Variants in AREL1 observed in about 807,000 individuals in gnomAD.
AREL1 encodes apoptosis resistant E3 ubiquitin protein ligase 1.
In AREL1, 62 loss-of-function variants were observed where a neutral mutation model predicts 99.0. That is an observed-to-expected ratio of 0.63 (90% CI 0.51 to 0.77). The LOEUF (loss-of-function observed/expected upper bound fraction) is 0.77. Among genes scored for constraint, AREL1 ranks in the 30% least tolerant of loss-of-function variants. The probability of loss-of-function intolerance (pLI) is 0.00; values close to 1 mark genes in which losing one functional copy is unlikely to be tolerated. For missense variants in AREL1, 879 were observed against 1,027.6 expected (o/e 0.86, Z 1.98); for synonymous variants, 380 against 376.5 (o/e 1.01, Z -0.11).
chr14:74,704,929 T>TTTAA (rs1391658169), intron 1 of AREL1, among the ~76,000 whole-genome samples: 1 of 152,220 alleles, frequency 6.6e-6, no homozygotes, highest in East Asian at 1.9e-4. Flanking sequence ...AACAAGAACT[T>TTTAA]TTTAAAACTC....
rs1279423943 is a variant in AREL1, at chr14:74,672,875, A to C, written c.1378T>G (p.Ser460Ala). The change falls in exon 11 of 20, where the codon TCC (serine) becomes GCC (alanine). Residue 460 changes from serine to alanine, a missense_variant. By Grantham distance (99) the Ser-to-Ala change is moderately conservative. Coordinates refer to ENST00000356357, the MANE Select transcript of AREL1 (RefSeq NM_001039479.2). Reference protein sequence around the residue: ...LRQVHMKRPHSKVTLKVSRHA... With the variant: ...LRQVHMKRPHAKVTLKVSRHA... ...CTGCTGACCTTCAGGGTGACTTTGGAATGTGGTCTTTTCATATGTACCTGC... is the reference window on the plus strand; with the variant it reads ...CTGCTGACCTTCAGGGTGACTTTGGCATGTGGTCTTTTCATATGTACCTGC... The C allele has an allele frequency of 6.2e-7, 1 of 1,614,214 alleles. No individual in the cohort carries two copies. Among genetic ancestry groups the C allele is most frequent in the Non-Finnish European group, 8.5e-7 (1 of 1,180,034 alleles).
intron 8 of AREL1, among the ~76,000 whole-genome samples, chr14:74,674,495 G>A (rs572820557): frequency 9.9e-5 from 15 of 152,182 alleles, no homozygotes; most frequent in South Asian, 4.2e-4. Context: ...CCAAGTACTC[G>A]GGAGGCTGAG....
intron 2 of AREL1, among the ~76,000 whole-genome samples, chr14:74,686,544 G>A (rs991830695): frequency 6.6e-6 from 1 of 152,154 alleles, no homozygotes; most frequent in East Asian, 1.9e-4. Flanking sequence ...TCAAGTCAGC[G>A]TACACTAAGG....
intron 15 of AREL1, 57 bp downstream of exon 15, chr14:74,669,592 C>G: frequency 6.3e-7 from 1 of 1,586,636 alleles, no homozygotes; most frequent in Middle Eastern, 1.7e-4. Flanking sequence ...CTTAGACAGT[C>G]CTGCTCTACA....
intron 2 of AREL1, among the ~76,000 whole-genome samples, chr14:74,689,038 G>A (rs982799364): frequency 6.6e-6 from 1 of 150,946 alleles, no homozygotes; most frequent in Non-Finnish European, 1.5e-5. Flanking sequence ...AGTAGAGACA[G>A]GGTTTCACCA....
intron 5 of AREL1, chr14:74,678,234 C>T (rs748852378): frequency 1.8e-5 from 8 of 454,492 alleles, no homozygotes; most frequent in East Asian, 7.0e-5. Flanking sequence ...ACTTGGCTCA[C>T]GCCTGTAATC....
At chr14:74,711,180 G>A (rs1210804647) in intron 1 of AREL1, among the ~76,000 whole-genome samples, 3 of 149,256 alleles carry the variant, frequency 2.0e-5, no homozygotes, top group African/African-American at 2.5e-5. Context: ...GCAGTGAGCC[G>A]AGATTGCGCC....
chr14:74,705,007 C>T (rs1300935853), intron 1 of AREL1, among the ~76,000 whole-genome samples: 1 of 151,782 alleles, frequency 6.6e-6, no homozygotes, highest in Non-Finnish European at 1.5e-5. Flanking sequence ...CAATGCTGCA[C>T]ATTACCATGC....
chr14:74,679,870 A>C (rs1190699020), intron 5 of AREL1, among the ~76,000 whole-genome samples: 1 of 151,682 alleles, frequency 6.6e-6, no homozygotes, highest in Admixed American at 6.6e-5. Flanking sequence ...AAATAATAAT[A>C]ATCCCATTAG....
intron 5 of AREL1, 56 bp downstream of exon 5, chr14:74,683,240 T>G: frequency 8.0e-7 from 1 of 1,245,170 alleles, no homozygotes; most frequent in Non-Finnish European, 1.1e-6. Flanking sequence ...AAAGACAGGA[T>G]GGAAAGAGAG....
chr14:74,685,684 T>C, intron 2 of AREL1, 24 bp from the exon 3 acceptor site: 2 of 1,605,184 alleles, frequency 1.2e-6, no homozygotes, highest in Non-Finnish European at 1.7e-6. Flanking sequence ...ACTTGTTTAG[T>C]TTTTGTCTCC....
intron 5 of AREL1, chr14:74,678,371 G>A (rs776607245): frequency 2.1e-5 from 7 of 330,912 alleles, no homozygotes; most frequent in Non-Finnish European, 2.9e-5. Context: ...GGTGGTGCAC[G>A]CCTGTAGTCC....
At chr14:74,676,990 G>T (rs9323600) in intron 5 of AREL1, among the ~76,000 whole-genome samples, 97,422 of 151,264 alleles carry the variant, frequency 0.64, 31,364 homozygotes, top group Admixed American at 0.7. Flanking sequence ...TAGTGGAGAC[G>T]GGGTTTCACT....
chr14:74,677,500 C>CTTTTTTTTTTTTTTTTT (rs58383006), intron 5 of AREL1, among the ~76,000 whole-genome samples: 1 of 63,120 alleles, frequency 1.6e-5, no homozygotes, highest in Non-Finnish European at 3.0e-5. Context: ...TGTCTCTCTC[C>CTTTTTTTTTTTTTTTTT]TTTTTTTTTT....
At position 74,706,688 on chromosome 14, in the gene AREL1, C is replaced by T. The variant is rs560826171; in HGVS notation, c.-334+6245G>A. ...CACATGCCAAGCAATATGTTGGACCCTAAAGATTCCAGAATGAGTAAAATA... is the reference window on the plus strand; with the variant it reads ...CACATGCCAAGCAATATGTTGGACCTTAAAGATTCCAGAATGAGTAAAATA... On this transcript the variant is annotated intron_variant, in intron 1 of 19. Transcript: ENST00000356357. Among the ~76,000 whole-genome samples the T allele has an allele frequency of 5.3e-4, 81 of 152,186 alleles. 1 individual carries two copies. Among genetic ancestry groups the T allele is most frequent in the African/African-American group, 1.5e-3 (64 of 41,516 alleles).
chr14:74,698,564 C>T (rs971695472), intron 1 of AREL1, among the ~76,000 whole-genome samples: 1 of 152,166 alleles, frequency 6.6e-6, no homozygotes, highest in Admixed American at 6.5e-5. Context: ...ATAAATAAGA[C>T]AGGGTGCTTT....
chr14:74,710,601 C>G (rs772142931), intron 1 of AREL1, among the ~76,000 whole-genome samples: 139 of 152,084 alleles, frequency 9.1e-4, no homozygotes, highest in Non-Finnish European at 1.7e-3. Context: ...CATCAAAAAA[C>G]TGGTTGCTAT....
At chr14:74,709,677 G>A (rs2090246907) in intron 1 of AREL1, among the ~76,000 whole-genome samples, 1 of 152,180 alleles carries the variant, frequency 6.6e-6, no homozygotes. Context: ...GGGCAGGCAA[G>A]TTAATTGAAA....
intron 13 of AREL1, 118 bp from the exon 14 acceptor site, chr14:74,670,244 GC>G: frequency 9.3e-7 from 1 of 1,072,114 alleles, no homozygotes; most frequent in Non-Finnish European, 1.3e-6. Context: ...GAGGATCAGA[GC>G]CCATCCAAAT....
Sources: allele counts gnomAD v4.1 joint callset (sites outside exome capture counted in the v4.1 genomes callset), GRCh38; gene constraint gnomAD v4.1.1; transcripts MANE v1.5; gene names NCBI Gene and HGNC (gene_info 2026-07-23, HGNC 2026-07-21).